Variants in VAV3 observed in about 807,000 individuals in gnomAD.
The protein encoded by VAV3 is guanine nucleotide exchange factor VAV3.
A neutral mutation model predicts 131.2 loss-of-function variants in VAV3; 94 were observed. The observed-to-expected ratio is 0.72, with a 90% CI of 0.61 to 0.85. The LOEUF (loss-of-function observed/expected upper bound fraction) is 0.85, where lower values mean the gene tolerates loss of function less well. Among genes scored for constraint, VAV3 ranks in the 40% least tolerant of loss-of-function variants. The probability of loss-of-function intolerance (pLI) is 0.00; values close to 1 mark genes in which losing one functional copy is unlikely to be tolerated. For missense variants in VAV3, 939 were observed against 1,002.7 expected (o/e 0.94, Z 0.86); for synonymous variants, 349 against 342.0 (o/e 1.02, Z -0.22).
chr1:107,660,486 G>A (rs1174299876), intron 19 of VAV3, among the ~76,000 whole-genome samples: 1 of 152,112 alleles, frequency 6.6e-6, no homozygotes, highest in Non-Finnish European at 1.5e-5. Context: ...ACGGAAATAC[G>A]CACCAGGCCA....
chr1:107,838,654 G>T (rs1322429909), intron 2 of VAV3, among the ~76,000 whole-genome samples: 1 of 152,050 alleles, frequency 6.6e-6, no homozygotes, highest in African/African-American at 2.4e-5. Flanking sequence ...ACATGCATCC[G>T]TACATTCATT....
chr1:107,754,885 G>A (rs12136160), intron 12 of VAV3, among the ~76,000 whole-genome samples: 35,452 of 151,992 alleles, frequency 0.23, 4,498 homozygotes, highest in Non-Finnish European at 0.27. Flanking sequence ...GACTTAAAAG[G>A]ACTTTTTCCA....
intron 5 of VAV3, among the ~76,000 whole-genome samples, chr1:107,772,257 G>C (rs1286636481): frequency 6.6e-6 from 1 of 152,120 alleles, no homozygotes; most frequent in Non-Finnish European, 1.5e-5. Context: ...ATTTATAAAT[G>C]AGTAGGAAAG....
intron 24 of VAV3, among the ~76,000 whole-genome samples, chr1:107,598,838 A>G (rs1277246753): frequency 2.0e-5 from 3 of 151,518 alleles, no homozygotes; most frequent in Admixed American, 1.3e-4. Context: ...ACATAATGTC[A>G]CTGATACAAA....
chr1:107,949,946 G>A (rs1348108998), intron 1 of VAV3, among the ~76,000 whole-genome samples: 1 of 152,164 alleles, frequency 6.6e-6, no homozygotes, highest in African/African-American at 2.4e-5. Flanking sequence ...TTAAAAGAAA[G>A]TTGTACTACT....
At chr1:107,756,714 T>G (rs543841546) in intron 11 of VAV3, among the ~76,000 whole-genome samples, 4 of 152,028 alleles carry the variant, frequency 2.6e-5, no homozygotes, top group Non-Finnish European at 5.9e-5. Context: ...TCTTTTCTAT[T>G]CATAATTTTC....
intron 19 of VAV3, among the ~76,000 whole-genome samples, chr1:107,658,093 C>T (rs1213814434): frequency 6.6e-6 from 1 of 152,194 alleles, no homozygotes; most frequent in East Asian, 1.9e-4. Context: ...GAAAACCGTA[C>T]TTCCTTTCAA....
At chr1:107,733,643 G>A (rs1297734768) in intron 15 of VAV3, among the ~76,000 whole-genome samples, 1 of 152,132 alleles carries the variant, frequency 6.6e-6, no homozygotes, top group Non-Finnish European at 1.5e-5. Flanking sequence ...GGGTATAAAT[G>A]AGTGAAGATC....
Position 107,574,216 on chromosome 1 carries a change from G to T in VAV3, c.2351-18C>A. The T allele has an allele frequency of 6.2e-7, 1 of 1,610,064 alleles. No individual in the cohort carries two copies. The highest frequency in any genetic ancestry group is 2.2e-5 in the East Asian group (1 of 44,830). The stretch of plus-strand genomic sequence containing the variant: ...ACTTAACACTGTCAAGAAATGACAA[G>T]CAATGACAGTAGGTTTGCAGTTCGT... On this transcript the variant is annotated intron_variant, in intron 25 of 26. Coordinates refer to ENST00000370056, the MANE Select transcript of VAV3 (RefSeq NM_006113.5).
At chr1:107,761,691 A>G (rs1054779486) in intron 9 of VAV3, among the ~76,000 whole-genome samples, 4 of 152,208 alleles carry the variant, frequency 2.6e-5, no homozygotes, top group African/African-American at 9.7e-5. Flanking sequence ...AACAATTACA[A>G]TCACAATTGG....
chr1:107,656,279 GC>G (rs1284929187), intron 19 of VAV3, among the ~76,000 whole-genome samples: 1 of 152,106 alleles, frequency 6.6e-6, no homozygotes, highest in Non-Finnish European at 1.5e-5. Context: ...CATACATGCA[GC>G]CATAAAAAGG....
intron 19 of VAV3, among the ~76,000 whole-genome samples, chr1:107,671,227 G>T (rs182734397): frequency 7.2e-5 from 11 of 152,276 alleles, no homozygotes; most frequent in Non-Finnish European, 7.4e-5. Flanking sequence ...GACATCACAC[G>T]ATTTTGTTGG....
intron 19 of VAV3, among the ~76,000 whole-genome samples, chr1:107,652,872 T>C (rs771959855): frequency 2.0e-5 from 3 of 152,142 alleles, no homozygotes; most frequent in African/African-American, 7.2e-5. Flanking sequence ...AAACTGCTAA[T>C]ATATTCCTTA....
Position 107,764,762 on chromosome 1 carries a change from G to A in VAV3, c.921+314C>T, listed in dbSNP as rs80236271. Among the ~76,000 whole-genome samples, 95 of 152,138 alleles carry A rather than the reference G, an allele frequency of 6.2e-4. 1 individual carries two copies. Among genetic ancestry groups the A allele is most frequent in the Non-Finnish European group, 1.0e-3 (71 of 67,994 alleles). ...TCGTCCTGCACTTCTTACTATCTAC[G>A]CAAGTTATTCATAATCTCTCTGAAC... On this transcript the variant is annotated intron_variant, in intron 9 of 26. Coordinates refer to ENST00000370056, the MANE Select transcript of VAV3 (RefSeq NM_006113.5).
intron 1 of VAV3, among the ~76,000 whole-genome samples, chr1:107,882,297 T>A (rs935708651): frequency 6.6e-6 from 1 of 152,074 alleles, no homozygotes; most frequent in Non-Finnish European, 1.5e-5. Flanking sequence ...GCTCTCAGCA[T>A]CTCAGAATAA....
intron 3 of VAV3, 77 bp downstream of exon 3, chr1:107,779,357 C>G: frequency 7.4e-7 from 1 of 1,352,908 alleles, no homozygotes; most frequent in Non-Finnish European, 1.0e-6. Context: ...CAAGATGCTT[C>G]ACAAATAGTA....
At chr1:107,842,193 C>T (rs1188067529) in intron 2 of VAV3, among the ~76,000 whole-genome samples, 36 of 152,190 alleles carry the variant, frequency 2.4e-4, no homozygotes, top group Non-Finnish European at 2.9e-5. Flanking sequence ...GAGTGTGGAA[C>T]CCCTCTTCTT....
intron 2 of VAV3, among the ~76,000 whole-genome samples, chr1:107,867,632 C>T (rs1670060418): frequency 6.6e-6 from 1 of 152,132 alleles, no homozygotes; most frequent in African/African-American, 2.4e-5. Context: ...GCAGAGCTCC[C>T]CCTTAGTTAT....
intron 15 of VAV3, among the ~76,000 whole-genome samples, chr1:107,728,044 T>A (rs745453471): frequency 6.6e-6 from 1 of 152,038 alleles, no homozygotes; most frequent in Non-Finnish European, 1.5e-5. Flanking sequence ...GAGTCAGGAG[T>A]GGCCTGCTGG....
Sources: gnomAD v4.1 joint callset for allele counts (sites outside exome capture counted in the v4.1 genomes callset) on GRCh38, gnomAD v4.1.1 for gene constraint, MANE v1.5 for transcripts, NCBI Gene and HGNC (gene_info 2026-07-23, HGNC 2026-07-21) for gene names.